Variants in EYA1 observed in about 807,000 individuals in gnomAD.
The protein encoded by EYA1 is EYA transcriptional coactivator and phosphatase 1.
In EYA1, 16 loss-of-function variants were observed where a neutral mutation model predicts 82.0. The observed-to-expected ratio is 0.20, with a 90% CI of 0.13 to 0.30. The LOEUF (loss-of-function observed/expected upper bound fraction) is 0.30, where lower values mean the gene tolerates loss of function less well. EYA1 is among the 10% of genes least tolerant of loss of function. The pLI is 1.00. For synonymous variants in EYA1, 261 were observed against 264.4 expected (o/e 0.99, Z 0.12); for missense variants, 633 against 730.7 (o/e 0.87, Z 1.54).
At chr8:71,228,242 G>A (rs892278501) in intron 12 of EYA1, among the ~76,000 whole-genome samples, 10 of 152,220 alleles carry the variant, frequency 6.6e-5, no homozygotes, top group Admixed American at 1.3e-4. Context: ...CTAAGTATCC[G>A]TGGGTCTGAA....
At chr8:71,217,839 A>G (rs1223728276) in intron 12 of EYA1, among the ~76,000 whole-genome samples, 1 of 152,226 alleles carries the variant, frequency 6.6e-6, no homozygotes, top group East Asian at 1.9e-4. Context: ...CCATGCTTAC[A>G]GGCTAAAGCT....
intron 13 of EYA1, 33 bp downstream of exon 13, chr8:71,216,932 G>A: frequency 1.2e-6 from 2 of 1,611,568 alleles, no homozygotes; most frequent in Non-Finnish European, 1.7e-6. Context: ...ACTATAAAAG[G>A]GAGATGGTCA....
chr8:71,521,868 A>C (rs1813425060), intron 2 of EYA1, among the ~76,000 whole-genome samples: 2 of 152,178 alleles, frequency 1.3e-5, no homozygotes, highest in Admixed American at 6.5e-5. Flanking sequence ...ATTTTTAACT[A>C]TCAATCTGAG....
In EYA1 at chr8:71,283,667, T is replaced by C. The variant is rs949705354; in HGVS notation, c.827-11770A>G. On this transcript the variant is annotated intron_variant, in intron 9 of 17. Transcript: ENST00000340726. ...TGTCACAGGGAAATACTTATCAATG[T>C]CTTCATGTTCATTAGGGGACAGCAT... Among the ~76,000 whole-genome samples the C allele has an allele frequency of 3.9e-5, 6 of 152,304 alleles. No individual in the cohort carries two copies. In the South Asian group the frequency reaches 1.2e-3, roughly 32 times the overall value.
At chr8:71,265,691 G>A (rs1249398433) in intron 11 of EYA1, among the ~76,000 whole-genome samples, 3 of 152,178 alleles carry the variant, frequency 2.0e-5, no homozygotes, top group East Asian at 1.9e-4. Context: ...ATTATAAGGA[G>A]ACCATTCAAT....
At chr8:71,279,981 T>C (rs1817635534) in intron 9 of EYA1, among the ~76,000 whole-genome samples, 1 of 152,180 alleles carries the variant, frequency 6.6e-6, no homozygotes, top group South Asian at 2.1e-4. Flanking sequence ...TCTGCTGTCA[T>C]AGCAGCACAC....
intron 9 of EYA1, among the ~76,000 whole-genome samples, chr8:71,272,490 C>T (rs1054344005): frequency 1.3e-4 from 20 of 152,120 alleles, no homozygotes; most frequent in African/African-American, 2.4e-4. Context: ...TGTCCATCAC[C>T]GGCTCTTCCT....
rs748769691 is a variant in EYA1, at chr8:71,199,930, T to C, written c.1699-510A>G. The C allele has an allele frequency of 3.1e-5, 5 of 159,232 alleles. No individual in the cohort carries two copies. The South Asian group carries it at 5.4e-4, about 17-fold the overall frequency. 9.9% of individuals were successfully genotyped at this position (159,232 alleles called of 1,614,324 possible). A position where few individuals can be genotyped will look rare whatever the true frequency, so the allele number is the denominator to read the frequency against. On this transcript the variant is annotated intron_variant, in intron 17 of 17. Transcript: ENST00000340726. ...TTGACCTTAAAATGGCTTTACCATA[T>C]GGAAAACGTTTTAAATGAACATCTA...
intron 12 of EYA1, among the ~76,000 whole-genome samples, chr8:71,232,937 T>C (rs1811369114): frequency 6.6e-6 from 1 of 152,188 alleles, no homozygotes. Context: ...TAACAGATTT[T>C]AACTCACGCA....
chr8:71,306,576 G>A (rs554330641), intron 7 of EYA1, among the ~76,000 whole-genome samples: 1 of 152,224 alleles, frequency 6.6e-6, no homozygotes, highest in Non-Finnish European at 1.5e-5. Flanking sequence ...GTTGCCTACA[G>A]CTCCCCATGC....
intron 2 of EYA1, among the ~76,000 whole-genome samples, chr8:71,497,423 T>A (rs1051400259): frequency 6.6e-6 from 1 of 152,236 alleles, no homozygotes; most frequent in East Asian, 1.9e-4. Flanking sequence ...GCAAAGTCCC[T>A]GAATAGGTAT....
intron 2 of EYA1, among the ~76,000 whole-genome samples, chr8:71,471,529 G>C (rs923551950): frequency 1.3e-5 from 2 of 151,840 alleles, no homozygotes; most frequent in Non-Finnish European, 2.9e-5. Context: ...AATTAAACCT[G>C]GGAAAATAAC....
intron 2 of EYA1, among the ~76,000 whole-genome samples, chr8:71,513,174 A>G (rs2129255920): frequency 6.6e-6 from 1 of 152,292 alleles, no homozygotes; most frequent in East Asian, 1.9e-4. Flanking sequence ...AAATTACGCC[A>G]CTAAAAATTT....
chr8:71,225,239 A>C, intron 12 of EYA1: 1 of 456,286 alleles, frequency 2.2e-6, no homozygotes, highest in Non-Finnish European at 4.4e-6. Context: ...TGAAGAGCTC[A>C]AGCGCTGCTA....
chr8:71,454,468 T>C (rs759892390), intron 2 of EYA1, among the ~76,000 whole-genome samples: 8 of 152,210 alleles, frequency 5.3e-5, no homozygotes, highest in Non-Finnish European at 1.2e-4. Context: ...GGTTATACAT[T>C]CTTCTCAGCA....
At chr8:71,362,315 C>G (rs1284165241), upstream of EYA1, 16 of 580,582 alleles carry the variant, frequency 2.8e-5, no homozygotes, top group Admixed American at 3.2e-4. Context: ...AATGAACGCG[C>G]CCCACGCTAT....
intron 16 of EYA1, among the ~76,000 whole-genome samples, chr8:71,212,929 T>G (rs901355282): frequency 1.3e-5 from 2 of 152,022 alleles, no homozygotes; most frequent in African/African-American, 2.4e-5. Flanking sequence ...ATACAAAAAT[T>G]AGCTGGGCAT....
intron 1 of EYA1, chr8:71,356,835 G>T: frequency 1.2e-6 from 1 of 810,454 alleles, no homozygotes; most frequent in Non-Finnish European, 1.5e-6. Flanking sequence ...TGCCCAGGCA[G>T]CTTGGAAAAG....
Position 71,386,154 on chromosome 8 carries a change from A to G in EYA1, c.34-29643T>C, listed in dbSNP as rs78996233. On this transcript the variant is annotated intron_variant, in intron 2 of 18. Coordinates refer to the EYA1 transcript ENST00000643681. ...CAGTCATACTTCTTTAGTTTCTTCAATTTTATCCTCTTCTGATTCTCTGAT... is the reference window on the plus strand; with the variant it reads ...CAGTCATACTTCTTTAGTTTCTTCAGTTTTATCCTCTTCTGATTCTCTGAT... Among the ~76,000 whole-genome samples, 766 of 152,180 alleles carry G rather than the reference A, an allele frequency of 5.0e-3. 7 individuals carry two copies. Among genetic ancestry groups the G allele is most frequent in the African/African-American group, 0.018 (748 of 41,518 alleles).
Sources: gnomAD v4.1 joint callset for allele counts (sites outside exome capture counted in the v4.1 genomes callset) on GRCh38, gnomAD v4.1.1 for gene constraint, MANE v1.5 for transcripts, NCBI Gene and HGNC (gene_info 2026-07-23, HGNC 2026-07-21) for gene names.